Variants in FOXK2 observed in about 807,000 individuals in gnomAD.
FOXK2 encodes forkhead box K2, also known as forkhead box protein K2.
In FOXK2, 24 loss-of-function variants were observed where a neutral mutation model predicts 53.3. That is an observed-to-expected ratio of 0.45 (90% confidence interval 0.33 to 0.63). The LOEUF (loss-of-function observed/expected upper bound fraction) is 0.63, where lower values mean the gene tolerates loss of function less well. Among genes scored for constraint, FOXK2 ranks in the 30% least tolerant of loss-of-function variants. The probability of loss-of-function intolerance (pLI) is 0.03; values close to 1 mark genes in which losing one functional copy is unlikely to be tolerated. For missense variants in FOXK2, 952 were observed against 910.5 expected, an observed-to-expected ratio of 1.05 and a Z score of -0.59; for synonymous variants, 505 against 407.1, an observed-to-expected ratio of 1.24 and a Z score of -2.89.
chr17:82,575,816 C>G (rs1002912312), intron 4 of FOXK2, among the ~76,000 whole-genome samples: 1 of 152,170 alleles, frequency 6.6e-6, no homozygotes, highest in South Asian at 2.1e-4. Context: ...GAAACTGACC[C>G]ATGTGAAGAA....
chr17:82,531,890 C>A (rs913840105), intron 1 of FOXK2, among the ~76,000 whole-genome samples: 4 of 152,232 alleles, frequency 2.6e-5, no homozygotes, highest in Admixed American at 1.3e-4. Context: ...GCCCAGGCTG[C>A]AGTGCAATGG....
intron 1 of FOXK2, among the ~76,000 whole-genome samples, 179 bp downstream of exon 1, chr17:82,520,486 C>T (rs1168787387): frequency 2.6e-5 from 4 of 152,184 alleles, no homozygotes; most frequent in East Asian, 3.9e-4. Context: ...GCCCCTGGCC[C>T]CGACCCCCGT....
chr17:82,551,884 G>T (rs969280638), intron 1 of FOXK2, among the ~76,000 whole-genome samples: 1 of 152,132 alleles, frequency 6.6e-6, no homozygotes, highest in Admixed American at 6.5e-5. Context: ...CCAAGGAGGG[G>T]CAGGGGAGCC....
chr17:82,567,899 T>G (rs2044869061), intron 2 of FOXK2, among the ~76,000 whole-genome samples, 155 bp from the exon 3 acceptor site: 1 of 151,696 alleles, frequency 6.6e-6, no homozygotes, highest in African/African-American at 2.4e-5. Flanking sequence ...AATCTGTGTT[T>G]CCATAGGAAA....
intron 4 of FOXK2, chr17:82,577,112 A>T (rs1197738094): frequency 1.8e-6 from 1 of 547,872 alleles, no homozygotes; most frequent in Non-Finnish European, 3.3e-6. Flanking sequence ...CGGTGAGCTG[A>T]TACCGCGTCA....
At chr17:82,545,853 A>G (rs1414392479) in intron 1 of FOXK2, among the ~76,000 whole-genome samples, 1 of 152,068 alleles carries the variant, frequency 6.6e-6, no homozygotes, top group Non-Finnish European at 1.5e-5. Flanking sequence ...AAGTGCTGGG[A>G]TTACAGGCGT....
In FOXK2 at chr17:82,587,114, G is replaced by A. The variant is rs774546764; in HGVS notation, c.1628G>A (p.Ser543Asn). 1.9e-6 allele frequency: 3 copies of A among 1,612,908 alleles called. No homozygotes were observed. The highest frequency in any genetic ancestry group is 1.7e-5 in the Admixed American group (1 of 59,990). The change falls in exon 8 of 9, where the codon AGC becomes AAC. Residue 543 changes from serine (S) to asparagine (N), a missense_variant. By Grantham distance (46) the Ser-to-Asn change is conservative. Transcript: ENST00000335255. ...GGCCACGCCACGCTCGGCACTGCCA[G>A]CCGGATCATTCAGACGGCACAGACC... ...AIGHATLGTA[S>N]RIIQTAQTTP...
chr17:82,587,519 C>G, intron 8 of FOXK2: 1 of 522,922 alleles, frequency 1.9e-6, no homozygotes, highest in Non-Finnish European at 3.5e-6. Flanking sequence ...GGGAAAAATA[C>G]TCTCGCCTCT....
chr17:82,526,137 C>A (rs1156681719), intron 1 of FOXK2, among the ~76,000 whole-genome samples: 1 of 152,068 alleles, frequency 6.6e-6, no homozygotes, highest in African/African-American at 2.4e-5. Context: ...AGAGATGAGC[C>A]GACAGTCAGT....
At chr17:82,546,976 C>T (rs1318066569) in intron 1 of FOXK2, among the ~76,000 whole-genome samples, 1 of 151,002 alleles carries the variant, frequency 6.6e-6, no homozygotes, top group Non-Finnish European at 1.5e-5. Context: ...ACTCTGGAGG[C>T]TGAGGTGGGA....
intron 1 of FOXK2, among the ~76,000 whole-genome samples, chr17:82,525,614 A>G (rs1297902420): frequency 1.3e-5 from 2 of 152,202 alleles, no homozygotes; most frequent in Non-Finnish European, 2.9e-5. Flanking sequence ...CAAACTAAGT[A>G]TAATTTATGA....
Position 82,563,678 on chromosome 17 carries a change from G to A in FOXK2, c.614+130G>A, listed in dbSNP as rs1341674886. 1.5e-5 allele frequency: 11 copies of A among 757,198 alleles called. No homozygotes were observed. In the East Asian group the frequency reaches 3.0e-4, roughly 20 times the overall value. 46.9% of individuals were successfully genotyped at this position (757,198 alleles called of 1,614,324 possible). On this transcript the variant is annotated intron_variant, in intron 2 of 8. Coordinates refer to ENST00000335255, the MANE Select transcript of FOXK2 (RefSeq NM_004514.4). ...GTGAGGTGGTGTTTAAAATATCATT[G>A]GATTTCTGCTCTGAATTTCCTGCAT...
chr17:82,550,076 G>A (rs1014251629), intron 1 of FOXK2, among the ~76,000 whole-genome samples: 4 of 152,182 alleles, frequency 2.6e-5, no homozygotes, highest in Admixed American at 6.5e-5. Context: ...GTACGTGCCT[G>A]TAGTCCCAGC....
Position 82,520,278 on chromosome 17 carries a change from CG to C in FOXK2, c.394del (p.Ala132ArgfsTer21). On this transcript the variant is annotated frameshift_variant, in exon 1 of 9. Coordinates refer to ENST00000335255, the MANE Select transcript of FOXK2 (RefSeq NM_004514.4). LOFTEE classifies it high-confidence loss of function. ...VFVDGVFQRRGAPPLQLPRVC... is the reference protein window; with the variant it reads ...VFVDGVFQRRXAPPLQLPRVC... ...TCGTGGACGGCGTGTTCCAGAGGCG[CG>C]GGGCGCCGCCGCTGCAGCTGCCGCG... is the stretch of plus-strand genomic sequence containing the variant. 7.9e-7 allele frequency: 1 copy of C among 1,263,452 alleles called. No homozygotes were observed. Among genetic ancestry groups the C allele is most frequent in the Non-Finnish European group, 1.0e-6 (1 of 999,466 alleles). The allele number at this position is 1,263,452 out of a possible 1,614,324, so 78.3% of individuals were successfully genotyped here.
At chr17:82,566,259 C>T (rs2144119816) in intron 2 of FOXK2, among the ~76,000 whole-genome samples, 1 of 151,978 alleles carries the variant, frequency 6.6e-6, no homozygotes, top group Non-Finnish European at 1.5e-5. Context: ...AAAAAATAGG[C>T]CCCCTGGAAA....
At chr17:82,540,819 C>T (rs2044567688) in intron 1 of FOXK2, among the ~76,000 whole-genome samples, 1 of 152,190 alleles carries the variant, frequency 6.6e-6, no homozygotes, top group East Asian at 1.9e-4. Flanking sequence ...GCTGAGGTCC[C>T]ATATCAGTAA....
At chr17:82,567,449 G>A (rs755534585) in intron 2 of FOXK2, among the ~76,000 whole-genome samples, 24 of 152,180 alleles carry the variant, frequency 1.6e-4, no homozygotes, top group Non-Finnish European at 2.4e-4. Flanking sequence ...GTTTGAAAAC[G>A]GGCCTGATTC....
intron 1 of FOXK2, among the ~76,000 whole-genome samples, chr17:82,560,915 C>T (rs1030097061): frequency 2.0e-5 from 3 of 152,066 alleles, no homozygotes; most frequent in East Asian, 1.9e-4. Flanking sequence ...GGTCAGTGAT[C>T]GTGCCACTGC....
intron 5 of FOXK2, among the ~76,000 whole-genome samples, chr17:82,583,395 A>T (rs540890231): frequency 1.3e-5 from 2 of 152,182 alleles, no homozygotes; most frequent in East Asian, 1.9e-4. Context: ...AAATACAAAA[A>T]AATTAGCCGG....
Sources: gnomAD v4.1 joint callset for allele counts (sites outside exome capture counted in the v4.1 genomes callset) on GRCh38, gnomAD v4.1.1 for gene constraint, MANE v1.5 for transcripts, NCBI Gene and HGNC (gene_info 2026-07-23, HGNC 2026-07-21) for gene names.